RBFOX1: variants seen among roughly 807,000 people sequenced by gnomAD.
RBFOX1 encodes the protein RNA binding fox-1 homolog 1.
A neutral mutation model predicts 57.7 loss-of-function variants in RBFOX1; 8 were observed. That is an observed-to-expected ratio of 0.14 (90% CI 0.08 to 0.25). The LOEUF is 0.25. RBFOX1 is among the 10% of genes least tolerant of loss of function. The pLI, the probability that RBFOX1 is intolerant of heterozygous loss-of-function variation, is 1.00. For missense variants in RBFOX1, 611 were observed against 548.5 expected (o/e 1.11, Z -1.14); for synonymous variants, 326 against 222.4 (o/e 1.47, Z -4.15).
At chr16:6,110,227 T>TTTTTTTTTTTTTTTTTTTC (rs2096430216) in intron 1 of RBFOX1, among the ~76,000 whole-genome samples, 1 of 143,852 alleles carries the variant, frequency 7.0e-6, no homozygotes. Context: ...ATTATTCTTT[T>TTTTTTTTTTTTTTTTTTTC]AGCTCTCTGG....
chr16:5,885,249 G>A (rs535226192), intron 4 of RBFOX1, among the ~76,000 whole-genome samples: 1 of 151,792 alleles, frequency 6.6e-6, no homozygotes, highest in African/African-American at 2.4e-5. Context: ...AAATCATTAA[G>A]GGAGGTGTCA....
At chr16:5,462,149 C>T (rs559559634) in intron 1 of RBFOX1, among the ~76,000 whole-genome samples, 544 of 149,414 alleles carry the variant, frequency 3.6e-3, no homozygotes, top group South Asian at 7.6e-3. Context: ...AGAAACCCAG[C>T]GAGTTTCTTT....
chr16:6,116,790 G>A (rs747399), intron 1 of RBFOX1, among the ~76,000 whole-genome samples: 53,420 of 151,936 alleles, frequency 0.35, 10,303 homozygotes, highest in Non-Finnish European at 0.44. Flanking sequence ...ATATTACTAG[G>A]AATTTAGAGA....
intron 2 of RBFOX1, among the ~76,000 whole-genome samples, chr16:6,375,027 C>G: frequency 6.6e-6 from 1 of 152,250 alleles, no homozygotes; most frequent in Admixed American, 6.5e-5. Context: ...CTTATTTGCT[C>G]CTTTTTTACA....
intron 3 of RBFOX1, among the ~76,000 whole-genome samples, chr16:7,034,827 C>CT (rs113413414): frequency 0.097 from 5,256 of 53,918 alleles, 448 homozygotes; most frequent in East Asian, 0.15. Flanking sequence ...TATTGCATTA[C>CT]TTTTTTTTTT....
At chr16:6,795,415 A>C (rs749395986) in intron 3 of RBFOX1, among the ~76,000 whole-genome samples, 34 of 151,864 alleles carry the variant, frequency 2.2e-4, no homozygotes, top group Non-Finnish European at 4.6e-4. Context: ...TTTGTCCTCA[A>C]GTTAAATTAA....
intron 1 of RBFOX1, among the ~76,000 whole-genome samples, chr16:5,413,619 T>C (rs777698243): frequency 6.6e-6 from 1 of 152,184 alleles, no homozygotes; most frequent in African/African-American, 2.4e-5. Context: ...GTCTAGGGCA[T>C]TTATTCATTC....
chr16:5,678,637 G>A (rs1194375959), intron 3 of RBFOX1, among the ~76,000 whole-genome samples: 1 of 152,058 alleles, frequency 6.6e-6, no homozygotes, highest in Non-Finnish European at 1.5e-5. Context: ...TCTATTATGC[G>A]GCGTAGGCAA....
chr16:7,233,066 C>T (rs948296524), intron 4 of RBFOX1, among the ~76,000 whole-genome samples: 1 of 152,092 alleles, frequency 6.6e-6, no homozygotes, highest in African/African-American at 2.4e-5. Flanking sequence ...TCTTGATGTT[C>T]CCAACAGCGG....
chr16:5,940,900 A>G (rs2059265454), intron 4 of RBFOX1, among the ~76,000 whole-genome samples: 1 of 152,060 alleles, frequency 6.6e-6, no homozygotes, highest in Non-Finnish European at 1.5e-5. Context: ...TGTAAGAAGG[A>G]GCTGAGGTCT....
chr16:5,992,565 T>C (rs1398909837), intron 4 of RBFOX1, among the ~76,000 whole-genome samples: 2 of 152,172 alleles, frequency 1.3e-5, no homozygotes, highest in African/African-American at 4.8e-5. Context: ...TGTGTGCTTA[T>C]GTGTGTGTTG....
chr16:5,256,980 T>C lies in RBFOX1; in HGVS notation c.219+16875T>C, dbSNP rs141716029. Among the ~76,000 whole-genome samples, 182 of 151,792 alleles carry C rather than the reference T, an allele frequency of 1.2e-3. 1 individual carries two copies. Among genetic ancestry groups the C allele is most frequent in the African/African-American group, 4.2e-3 (175 of 41,386 alleles). The stretch of plus-strand genomic sequence containing the variant: ...AAAGTTAACACTTCCTCCATCTCTC[T>C]CCTGGGGGAGGCAATTTGTCAAAGA... On this transcript the variant is annotated intron_variant, in intron 1 of 2. Transcript: ENST00000585867.
intron 4 of RBFOX1, among the ~76,000 whole-genome samples, chr16:7,191,275 A>G (rs575633148): frequency 6.6e-6 from 1 of 152,156 alleles, no homozygotes; most frequent in East Asian, 1.9e-4. Context: ...CAGTCATGGC[A>G]CATCAGAAAG....
intron 5 of RBFOX1, among the ~76,000 whole-genome samples, chr16:7,519,381 C>T (rs903950817): frequency 2.0e-5 from 3 of 152,098 alleles, no homozygotes; most frequent in African/African-American, 7.2e-5. Context: ...AGGGAACTGT[C>T]CTGTATCTTA....
chr16:7,558,936 C>G (rs2089581469), intron 5 of RBFOX1, among the ~76,000 whole-genome samples: 1 of 152,340 alleles, frequency 6.6e-6, no homozygotes. Context: ...ATGAACCCCA[C>G]TGTTACTCTT....
chr16:7,428,909 A>G (rs534657221), intron 4 of RBFOX1, among the ~76,000 whole-genome samples: 1 of 152,294 alleles, frequency 6.6e-6, no homozygotes, highest in East Asian at 1.9e-4. Context: ...GACACTACTC[A>G]CATCTGCACA....
chr16:6,581,877 A>G (rs2097541626), intron 2 of RBFOX1, among the ~76,000 whole-genome samples: 1 of 152,244 alleles, frequency 6.6e-6, no homozygotes, highest in East Asian at 1.9e-4. Flanking sequence ...AATCAGAGGC[A>G]TTTCAACATG....
chr16:7,243,610 T>C (rs7189671), intron 4 of RBFOX1, among the ~76,000 whole-genome samples: 99,901 of 152,006 alleles, frequency 0.66, 35,044 homozygotes, highest in African/African-American at 0.91. Context: ...TGCAGTGGCA[T>C]GATAATAGCT....
intron 4 of RBFOX1, among the ~76,000 whole-genome samples, chr16:7,294,871 A>T (rs1434757814): frequency 6.6e-6 from 1 of 152,130 alleles, no homozygotes; most frequent in Non-Finnish European, 1.5e-5. Flanking sequence ...ATACTTTCTC[A>T]TTTTGTTCAA....
Sources: allele counts gnomAD v4.1 joint callset (sites outside exome capture counted in the v4.1 genomes callset), GRCh38; gene constraint gnomAD v4.1.1; transcripts MANE v1.5; gene names NCBI Gene and HGNC (gene_info 2026-07-23, HGNC 2026-07-21).